CLIP1: variants seen among roughly 807,000 people sequenced by gnomAD.
The protein encoded by CLIP1 is CAP-Gly domain containing linker protein 1.
In CLIP1, 66 loss-of-function variants were observed where a neutral mutation model predicts 161.6. The observed-to-expected ratio is 0.41, with a 90% CI of 0.33 to 0.50. The LOEUF is 0.50. Ranked by LOEUF, CLIP1 falls within the 20% of genes least tolerant of loss-of-function variation. The pLI is 0.27. For synonymous variants in CLIP1, 598 were observed against 626.2 expected (o/e 0.96, Z 0.67); for missense variants, 1,376 against 1,702.0 (o/e 0.81, Z 3.37).
chr12:122,374,595 C>G (rs911417445), intron 3 of CLIP1, among the ~76,000 whole-genome samples: 1 of 152,064 alleles, frequency 6.6e-6, no homozygotes, highest in Non-Finnish European at 1.5e-5. Flanking sequence ...AACCCTGTCT[C>G]TACTAAAAAT....
In CLIP1 at chr12:122,355,163, C is replaced by CA; in HGVS notation, c.1154dup (p.Glu387GlyfsTer14). The CA allele has an allele frequency of 6.2e-7, 1 of 1,614,244 alleles. No individual in the cohort carries two copies. Among genetic ancestry groups the CA allele is most frequent in the Non-Finnish European group, 8.5e-7 (1 of 1,180,034 alleles). ...GAGCTAGCTCCTGCTCTATCTCCCCCACGTGGCTCGTGGCCTTGGCCACCT... is the reference window on the plus strand; with the variant it reads ...GAGCTAGCTCCTGCTCTATCTCCCCCAACGTGGCTCGTGGCCTTGGCCACCT... On this transcript the variant is annotated frameshift_variant, in exon 6 of 26. Transcript: ENST00000620786. LOFTEE classifies it high-confidence loss of function. This position sits in a 1 kb window ranked among gnomAD's most constrained non-coding sequence, Gnocchi z 4.1.
At chr12:122,354,690 C>T (rs1215335978) in intron 6 of CLIP1, 134 bp from the exon 7 acceptor site, 1 of 646,172 alleles carries the variant, frequency 1.5e-6, no homozygotes, top group Non-Finnish European at 2.8e-6. Context: ...AAAGCTTTCT[C>T]TATTTTAATA....
At chr12:122,288,627 C>T in intron 20 of CLIP1, 86 bp from the exon 21 acceptor site, 1 of 1,147,668 alleles carries the variant, frequency 8.7e-7, no homozygotes, top group Non-Finnish European at 1.3e-6. Flanking sequence ...CCCCCAGGCT[C>T]CAGGACAGCT....
chr12:122,309,000 A>G (rs1950975057), intron 20 of CLIP1, among the ~76,000 whole-genome samples: 1 of 152,256 alleles, frequency 6.6e-6, no homozygotes, highest in Non-Finnish European at 1.5e-5. Flanking sequence ...ATGACTACAC[A>G]GCAAAAGTCT....
chr12:122,342,053 G>C (rs1290639005), intron 10 of CLIP1: 2 of 159,240 alleles, frequency 1.3e-5, no homozygotes, highest in African/African-American at 4.8e-5. Context: ...CAAAGTGCTG[G>C]GATTACAGGC....
At chr12:122,321,242 CTT>C (rs139695589) in intron 17 of CLIP1, among the ~76,000 whole-genome samples, 5 of 142,952 alleles carry the variant, frequency 3.5e-5, no homozygotes, top group Non-Finnish European at 6.2e-5. Flanking sequence ...CAATTTATTG[CTT>C]TTTTTTTTTT....
intron 1 of CLIP1, among the ~76,000 whole-genome samples, chr12:122,404,909 A>G (rs1034793178): frequency 6.7e-6 from 1 of 149,952 alleles, no homozygotes; most frequent in Admixed American, 6.6e-5. Context: ...CAAAAAAAAA[A>G]AACAAAACAA....
intron 17 of CLIP1, chr12:122,324,480 T>C (rs1951634186): frequency 6.6e-6 from 1 of 152,204 alleles, no homozygotes; most frequent in South Asian, 2.1e-4. Context: ...ATAAAAACTT[T>C]ACAATTTCTA....
At chr12:122,276,622 C>A in intron 24 of CLIP1, 1 of 428,770 alleles carries the variant, frequency 2.3e-6, no homozygotes, top group Non-Finnish European at 3.7e-6. Flanking sequence ...AGGTGTCTGG[C>A]AACTAACATC....
At chr12:122,367,589 A>G (rs1456653785) in intron 3 of CLIP1, among the ~76,000 whole-genome samples, 1 of 152,250 alleles carries the variant, frequency 6.6e-6, no homozygotes, top group African/African-American at 2.4e-5. Context: ...AGTCTAGTAC[A>G]TGCACGTACA....
Position 122,370,161 on chromosome 12 carries a change from CAA to C in CLIP1, c.658-6056_658-6055del, listed in dbSNP as rs528180348. 6.8e-3 allele frequency among the ~76,000 whole-genome samples: 748 copies of C among 109,828 alleles called. 6 individuals carry two copies. Among genetic ancestry groups the C allele is most frequent in the Middle Eastern group, 0.043 (9 of 210 alleles). The allele number at this position is 109,828 out of a possible 152,430, so 72.1% of individuals were successfully genotyped here. ...CTGGGCAACAGAGCAAAACCTATCTCAAAAAAAAAAAAAAAGAAGAAGAAGAA... is the reference window on the plus strand; with the variant it reads ...CTGGGCAACAGAGCAAAACCTATCTCAAAAAAAAAAAAAGAAGAAGAAGAA... On this transcript the variant is annotated intron_variant, in intron 3 of 25. Coordinates refer to ENST00000620786, the MANE Select transcript of CLIP1 (RefSeq NM_001247997.2).
At chr12:122,404,222 C>T (rs1956240155) in intron 1 of CLIP1, among the ~76,000 whole-genome samples, 1 of 152,184 alleles carries the variant, frequency 6.6e-6, no homozygotes, top group Non-Finnish European at 1.5e-5. Context: ...AGTGCACTAA[C>T]AAGCGAGATT....
intron 1 of CLIP1, among the ~76,000 whole-genome samples, chr12:122,395,205 C>T (rs1955864138): frequency 6.6e-6 from 1 of 152,194 alleles, no homozygotes; most frequent in South Asian, 2.1e-4. Flanking sequence ...ACAGTAAAAA[C>T]ACTTTCTATT....
intron 9 of CLIP1, among the ~76,000 whole-genome samples, chr12:122,348,053 A>G (rs558291910): frequency 6.6e-6 from 1 of 152,324 alleles, no homozygotes; most frequent in South Asian, 2.1e-4. Flanking sequence ...AAACCTCAGT[A>G]GAAGGAATCT....
At chr12:122,283,287 G>C (rs1248836942) in intron 21 of CLIP1, among the ~76,000 whole-genome samples, 1 of 151,894 alleles carries the variant, frequency 6.6e-6, no homozygotes, top group Non-Finnish European at 1.5e-5. Context: ...TACCCAACTT[G>C]AGAGTTTTTC....
At position 122,379,943 on chromosome 12, in the gene CLIP1, T is replaced by TAAAAAAAAAAAAAAAAAAAAAAAAAAAAA. The variant is rs1566198620; in HGVS notation, c.85+424_85+425insTTTTTTTTTTTTTTTTTTTTTTTTTTTTT. ...TGGGGAATAGAGCAAGACTCCATCT[T>TAAAAAAAAAAAAAAAAAAAAAAAAAAAAA]TAAAAAAAAAAAAAAAAAATGCAAG... On this transcript the variant is annotated intron_variant, in intron 2 of 25. Coordinates refer to ENST00000620786, the MANE Select transcript of CLIP1 (RefSeq NM_001247997.2). 1.7e-4 allele frequency among the ~76,000 whole-genome samples: 12 copies of TAAAAAAAAAAAAAAAAAAAAAAAAAAAAA among 70,412 alleles called. 3 individuals are homozygous for TAAAAAAAAAAAAAAAAAAAAAAAAAAAAA. The East Asian group carries it at 2.7e-3, about 16-fold the overall frequency. 46.2% of individuals were successfully genotyped at this position (70,412 alleles called of 152,430 possible).
rs778680457 is a variant in CLIP1, at chr12:122,340,733, T to C, written c.2451+20A>G. 4.6e-6 allele frequency: 7 copies of C among 1,506,686 alleles called. No homozygotes were observed. The highest frequency in any genetic ancestry group is 2.8e-5 in the African/African-American group (2 of 71,282). 93.3% of individuals were successfully genotyped at this position (1,506,686 alleles called of 1,614,324 possible). Reference sequence around the variant, plus strand: ...GAATAACAAATGGAAAAGAAAAGAATGGAGGATGTCAATACAAACCTTGCT... The same window carrying C: ...GAATAACAAATGGAAAAGAAAAGAACGGAGGATGTCAATACAAACCTTGCT... On this transcript the variant is annotated intron_variant, in intron 11 of 25. Coordinates refer to ENST00000620786, the MANE Select transcript of CLIP1 (RefSeq NM_001247997.2).
chr12:122,377,963 G>C lies in CLIP1; in HGVS notation c.86-3C>G, dbSNP rs766043239. The C allele has an allele frequency of 6.3e-7, 1 of 1,591,286 alleles. No individual in the cohort carries two copies. Among genetic ancestry groups the C allele is most frequent in the African/African-American group, 1.4e-5 (1 of 73,500 alleles). The stretch of plus-strand genomic sequence containing the variant: ...GGTTTTTTCTACTGGAGCTACAACT[G>C]AAAACAAAAGATCATAAGAGATTCG... On this transcript the variant is annotated splice_polypyrimidine_tract_variant and splice_region_variant and intron_variant, in intron 2 of 25. Coordinates refer to ENST00000620786, the MANE Select transcript of CLIP1 (RefSeq NM_001247997.2).
intron 20 of CLIP1, among the ~76,000 whole-genome samples, chr12:122,291,232 T>G (rs1218135903): frequency 1.3e-5 from 2 of 150,760 alleles, no homozygotes; most frequent in Non-Finnish European, 3.0e-5. Context: ...CTCTGTCACC[T>G]AGGCTGGAGT....
Sources: gnomAD v4.1 joint callset for allele counts (sites outside exome capture counted in the v4.1 genomes callset) on GRCh38, gnomAD v4.1.1 for gene constraint, Gnocchi (gnomAD v3.1) non-coding constraint, MANE v1.5 for transcripts, NCBI Gene and HGNC (gene_info 2026-07-23, HGNC 2026-07-21) for gene names.